Variants in PDE1C observed in about 807,000 individuals in gnomAD.
PDE1C encodes phosphodiesterase 1C.
Under a neutral mutation model 93.1 loss-of-function variants are expected in PDE1C, and 62 were observed. The observed-to-expected ratio is 0.67, with a 90% CI of 0.54 to 0.82. The LOEUF is 0.82. Ranked by LOEUF, PDE1C falls within the 40% of genes least tolerant of loss-of-function variation. PDE1C has a pLI of 0.00. For missense variants in PDE1C, 742 were observed against 884.6 expected (o/e 0.84, Z 2.04); for synonymous variants, 325 against 310.1 (o/e 1.05, Z -0.50).
At chr7:31,963,498 T>C (rs952830465) in intron 2 of PDE1C, among the ~76,000 whole-genome samples, 2 of 152,350 alleles carry the variant, frequency 1.3e-5, no homozygotes, top group East Asian at 3.9e-4. Flanking sequence ...GTCCATATCT[T>C]GCTGAGTTAC....
intron 16 of PDE1C, among the ~76,000 whole-genome samples, chr7:31,780,674 C>T (rs553016819): frequency 2.6e-5 from 4 of 152,204 alleles, no homozygotes; most frequent in South Asian, 4.2e-4. Context: ...ACAATAATTG[C>T]GAGCATCAAG....
intron 2 of PDE1C, among the ~76,000 whole-genome samples, chr7:31,929,734 C>G (rs190985453): frequency 6.6e-6 from 1 of 152,070 alleles, no homozygotes; most frequent in Non-Finnish European, 1.5e-5. Context: ...TCTTTGAAAC[C>G]AATGAGAACC....
intron 1 of PDE1C, among the ~76,000 whole-genome samples, chr7:32,288,838 T>G (rs1812165978): frequency 1.3e-5 from 2 of 152,230 alleles, no homozygotes; most frequent in Admixed American, 1.3e-4. Context: ...CAGCTTTCTC[T>G]TGGGGCCTCT....
intron 1 of PDE1C, among the ~76,000 whole-genome samples, chr7:32,316,174 T>A (rs2128905845): frequency 6.6e-6 from 1 of 152,214 alleles, no homozygotes; most frequent in South Asian, 2.1e-4. Flanking sequence ...ATCAAGTAGG[T>A]GGTTAGTAAA....
At chr7:31,881,969 G>A (rs549934277) in intron 2 of PDE1C, among the ~76,000 whole-genome samples, 2 of 152,248 alleles carry the variant, frequency 1.3e-5, no homozygotes, top group Admixed American at 6.5e-5. Context: ...GTTGGTATAC[G>A]CAATCTGTTC....
chr7:32,266,122 T>TA (rs1016746176), intron 1 of PDE1C, among the ~76,000 whole-genome samples: 18 of 146,198 alleles, frequency 1.2e-4, no homozygotes, highest in East Asian at 8.0e-4. Flanking sequence ...AAAATAAAAA[T>TA]AAAAAAAAAA....
chr7:32,250,817 T>A (rs1388948103), intron 1 of PDE1C, among the ~76,000 whole-genome samples: 1 of 152,210 alleles, frequency 6.6e-6, no homozygotes, highest in African/African-American at 2.4e-5. Context: ...ATAAGCTTTT[T>A]ACTAAAAGGA....
At chr7:31,647,027 C>T in the PDE1C span, among the ~76,000 whole-genome samples, 1 of 152,234 alleles carries the variant, frequency 6.6e-6, no homozygotes, top group Non-Finnish European at 1.5e-5. Flanking sequence ...ACAATTCAAA[C>T]ATACACACAT....
intron 2 of PDE1C, among the ~76,000 whole-genome samples, chr7:31,952,778 T>A (rs567877829): frequency 1.4e-3 from 215 of 152,162 alleles, no homozygotes; most frequent in African/African-American, 5.0e-3. Flanking sequence ...TTGAGGAAAA[T>A]CAATACAAAT....
In PDE1C at chr7:31,805,745, C is replaced by G. The variant is rs369491656; in HGVS notation, c.1891+3286G>C. On this transcript the variant is annotated intron_variant, in intron 16 of 17. Coordinates refer to ENST00000396191, the MANE Select transcript of PDE1C (RefSeq NM_001191057.4). Reference sequence around the variant, plus strand: ...TATTTTTCCTGTTAACTAAAGCCATCTTGGTCTTCTTGGATTTTTATCCAA... The same window carrying G: ...TATTTTTCCTGTTAACTAAAGCCATGTTGGTCTTCTTGGATTTTTATCCAA... Among the ~76,000 whole-genome samples the G allele has an allele frequency of 1.0e-3, 159 of 151,898 alleles. 7 individuals are homozygous for G. In the South Asian group the frequency reaches 0.032, roughly 31 times the overall value.
chr7:32,027,757 T>A (rs1411537943), intron 2 of PDE1C, among the ~76,000 whole-genome samples: 2 of 151,766 alleles, frequency 1.3e-5, no homozygotes, highest in East Asian at 1.9e-4. Context: ...AAAAAACTTT[T>A]AAAAAAATCT....
rs3078683 is a variant in PDE1C at position 32,147,272 on chromosome 7, AAAAGAAAGAAAGAAAG to A, written c.308+22497_308+22512del. ...GAAAGAAAAGAAAGAAAGAAAGAAA[AAAAGAAAGAAAGAAAG>A]AAAGAAAGAAAGAAAGAAAGAAAGA... is the stretch of plus-strand genomic sequence containing the variant. On this transcript the variant is annotated intron_variant, in intron 3 of 18. Coordinates refer to the PDE1C transcript ENST00000396193. Among the ~76,000 whole-genome samples the A allele has an allele frequency of 7.8e-3, 753 of 96,674 alleles. 16 individuals are homozygous for A. Among genetic ancestry groups the A allele is most frequent in the Middle Eastern group, 0.023 (4 of 174 alleles). The allele number at this position is 96,674 out of a possible 152,430, so 63.4% of individuals were successfully genotyped here.
intron 2 of PDE1C, among the ~76,000 whole-genome samples, chr7:31,958,541 T>C (rs1808471931): frequency 1.3e-5 from 2 of 152,200 alleles, no homozygotes; most frequent in South Asian, 2.1e-4. Context: ...AATCTTCACA[T>C]ATCAAGCATA....
At chr7:31,932,368 C>G (rs145809111) in intron 2 of PDE1C, among the ~76,000 whole-genome samples, 4,731 of 149,974 alleles carry the variant, frequency 0.032, 231 homozygotes, top group African/African-American at 0.11. Flanking sequence ...AACAAATTTA[C>G]AAGAAAAAAG....
intron 1 of PDE1C, among the ~76,000 whole-genome samples, chr7:32,386,198 T>C: frequency 6.9e-6 from 1 of 143,956 alleles, no homozygotes; most frequent in Admixed American, 7.0e-5. Context: ...TAATTTTTTT[T>C]ATTATTGCCA....
chr7:31,747,842 G>A (rs1399476553), downstream of PDE1C, among the ~76,000 whole-genome samples: 1 of 106,262 alleles, frequency 9.4e-6, no homozygotes, highest in African/African-American at 3.4e-5. Flanking sequence ...GGTGGAGTCA[G>A]TCTGCAAAAC....
chr7:32,217,503 G>C (rs1187035477), intron 1 of PDE1C, among the ~76,000 whole-genome samples: 1 of 152,208 alleles, frequency 6.6e-6, no homozygotes, highest in Non-Finnish European at 1.5e-5. Flanking sequence ...TGACAAGCCT[G>C]GGATCTGTTT....
chr7:31,950,173 C>T (rs955147836), intron 2 of PDE1C, among the ~76,000 whole-genome samples: 11 of 152,172 alleles, frequency 7.2e-5, no homozygotes. Context: ...AATTAAAACT[C>T]CCATTTGAAT....
At chr7:32,116,406 A>C (rs1244083198) in intron 3 of PDE1C, among the ~76,000 whole-genome samples, 1 of 152,174 alleles carries the variant, frequency 6.6e-6, no homozygotes, top group East Asian at 1.9e-4. Flanking sequence ...GAATAGGAGA[A>C]GAGTGTCCTT....
Sources: gnomAD v4.1 joint callset for allele counts (sites outside exome capture counted in the v4.1 genomes callset) on GRCh38, gnomAD v4.1.1 for gene constraint, MANE v1.5 for transcripts, NCBI Gene and HGNC (gene_info 2026-07-23, HGNC 2026-07-21) for gene names.